The following TIAM1 variants were observed in gnomAD, a reference collection of about 807,000 sequenced individuals.
The protein encoded by TIAM1 is rho guanine nucleotide exchange factor TIAM1.
TIAM1 carries 65 observed loss-of-function variants against 163.5 expected under a neutral mutation model. The observed-to-expected ratio is 0.40, with a 90% CI of 0.33 to 0.49. The LOEUF (loss-of-function observed/expected upper bound fraction) is 0.49. Among genes scored for constraint, TIAM1 ranks in the 20% least tolerant of loss-of-function variants. TIAM1 has a pLI of 0.77. For synonymous variants in TIAM1, 833 were observed against 810.1 expected (o/e 1.03, Z -0.48); for missense variants, 1,789 against 2,044.7 (o/e 0.87, Z 2.41).
chr21:31,165,136 G>A (rs944019193), intron 15 of TIAM1, 71 bp from the exon 16 acceptor site: 12 of 1,399,296 alleles, frequency 8.6e-6, no homozygotes, highest in Non-Finnish European at 1.2e-5. Context: ...CCCTGTGTGA[G>A]GGGGACAAGG....
chr21:31,184,257 C>A (rs1451109304), intron 14 of TIAM1, among the ~76,000 whole-genome samples: 1 of 152,082 alleles, frequency 6.6e-6, no homozygotes, highest in Middle Eastern at 3.2e-3. Context: ...AGGTGCGCAC[C>A]ACCATGCCCA....
chr21:31,335,429 C>T (rs2075805684), intron 2 of TIAM1, among the ~76,000 whole-genome samples: 1 of 152,114 alleles, frequency 6.6e-6, no homozygotes, highest in Admixed American at 6.5e-5. Flanking sequence ...GAAATAAACT[C>T]AAGCCAGGTG....
intron 2 of TIAM1, among the ~76,000 whole-genome samples, chr21:31,353,136 C>A (rs1000109069): frequency 6.6e-6 from 1 of 152,182 alleles, no homozygotes; most frequent in Admixed American, 6.5e-5. Flanking sequence ...GCTGCTTCCA[C>A]CAACCCATCC....
intron 1 of TIAM1, among the ~76,000 whole-genome samples, chr21:31,535,149 A>G (rs1280446501): frequency 6.6e-6 from 1 of 151,476 alleles, no homozygotes; most frequent in Non-Finnish European, 1.5e-5. Context: ...TTGGGAGGCC[A>G]AGGCAGGCGA....
At chr21:31,191,089 A>C (rs896200467) in intron 13 of TIAM1, among the ~76,000 whole-genome samples, 13 of 152,198 alleles carry the variant, frequency 8.5e-5, no homozygotes, top group Non-Finnish European at 1.5e-4. Flanking sequence ...GGAACATCAA[A>C]TGCCAAAACC....
rs5030999 is a variant in TIAM1 at position 31,256,588 on chromosome 21, TACACACAC to T, written c.964-4407_964-4400del. 8.3e-4 allele frequency among the ~76,000 whole-genome samples: 106 copies of T among 128,242 alleles called. 1 individual carries two copies. Among genetic ancestry groups the T allele is most frequent in the African/African-American group, 2.6e-3 (88 of 34,000 alleles). The allele number at this position is 128,242 out of a possible 152,430, so 84.1% of individuals were successfully genotyped here. Reference sequence around the variant, plus strand: ...CCCCAAAATATTAAGTACCCCTCACTACACACACACACACACACACACACACACACACA... The same window carrying T: ...CCCCAAAATATTAAGTACCCCTCACTACACACACACACACACACACACACA... On this transcript the variant is annotated intron_variant, in intron 4 of 27. Transcript: ENST00000541036.
intron 2 of TIAM1, among the ~76,000 whole-genome samples, chr21:31,355,528 ATTATTTATTTAT>A (rs56133305): frequency 0.032 from 4,596 of 144,708 alleles, 245 homozygotes; most frequent in African/African-American, 0.11. Flanking sequence ...TCTCTCCTTT[ATTATTTATTTAT>A]TTATTTATTT....
intron 2 of TIAM1, among the ~76,000 whole-genome samples, chr21:31,287,427 T>A (rs528630522): frequency 6.6e-6 from 1 of 152,308 alleles, no homozygotes; most frequent in South Asian, 2.1e-4. Flanking sequence ...GGGAAGACAG[T>A]GGGCATCTAC....
intron 1 of TIAM1, among the ~76,000 whole-genome samples, chr21:31,507,051 G>A (rs1368298542): frequency 6.6e-6 from 1 of 152,078 alleles, no homozygotes; most frequent in African/African-American, 2.4e-5. Flanking sequence ...ATGCTGTTAT[G>A]TGCGTGGGTA....
rs931624228 is a variant in TIAM1 at position 31,395,280 on chromosome 21, T to C, written c.-368-55858A>G. Among the ~76,000 whole-genome samples, 3 of 151,112 alleles carry C rather than the reference T, an allele frequency of 2.0e-5. No individual in the cohort carries two copies. Among genetic ancestry groups the C allele is most frequent in the African/African-American group, 7.3e-5 (3 of 41,100 alleles). The stretch of plus-strand genomic sequence containing the variant: ...GGTGGGGGGAGAACAAAACTAGTAA[T>C]TGGAGCTCTCTGGAGATGTCACTAC... On this transcript the variant is annotated intron_variant, in intron 2 of 28. Coordinates refer to the TIAM1 transcript ENST00000286827. The surrounding 1 kb of genome is among the most constrained non-coding windows in gnomAD (Gnocchi z 7.5).
chr21:31,356,233 T>C (rs1468924252), intron 2 of TIAM1, among the ~76,000 whole-genome samples: 1 of 152,156 alleles, frequency 6.6e-6, no homozygotes, highest in Non-Finnish European at 1.5e-5. Context: ...ACACAAACAC[T>C]TGGAGTTTTC....
intron 2 of TIAM1, among the ~76,000 whole-genome samples, chr21:31,278,889 T>C (rs1416765981): frequency 2.0e-5 from 3 of 152,280 alleles, no homozygotes; most frequent in East Asian, 3.9e-4. Context: ...GCTTAGGAAC[T>C]GGCAGAAATT....
At chr21:31,146,531 C>T (rs1326724387) in intron 20 of TIAM1, among the ~76,000 whole-genome samples, 3 of 149,428 alleles carry the variant, frequency 2.0e-5, no homozygotes, top group South Asian at 2.1e-4. Context: ...GCCAACGTGG[C>T]GAAACTCCAT....
At chr21:31,409,633 G>A (rs191713552) in intron 2 of TIAM1, among the ~76,000 whole-genome samples, 9 of 152,162 alleles carry the variant, frequency 5.9e-5, no homozygotes, top group Admixed American at 1.3e-4. Context: ...TCAGACCTCC[G>A]CACCACAGGC....
chr21:31,266,382 T>C lies in TIAM1; in HGVS notation c.591A>G (p.Glu197=), dbSNP rs1320843874. The C allele has an allele frequency of 1.2e-6, 2 of 1,614,218 alleles. No homozygotes were observed. Among genetic ancestry groups the C allele is most frequent in the South Asian group, 1.1e-5 (1 of 91,088 alleles). Residue 197 remains glutamate (E), a synonymous_variant, in exon 4 of 28, where the codon GAA becomes GAG. Coordinates refer to ENST00000541036, the MANE Select transcript of TIAM1 (RefSeq NM_001353694.2). ...DLSQEHLTSN[E]EILGSAEEKD... is the part of the protein sequence containing the mutation. Reference sequence around the variant, plus strand: ...TCTCTTCGGCGGAACCCAAGATTTCTTCGTTGCTTGTTAAATGTTCTTGGC... The same window carrying C: ...TCTCTTCGGCGGAACCCAAGATTTCCTCGTTGCTTGTTAAATGTTCTTGGC...
rs147709475 is a variant in TIAM1, at chr21:31,389,461, G to A, written c.-368-50039C>T. Among the ~76,000 whole-genome samples the A allele has an allele frequency of 3.3e-3, 505 of 152,182 alleles. 2 individuals carry two copies. The highest frequency in any genetic ancestry group is 0.011 in the African/African-American group (468 of 41,546). The stretch of plus-strand genomic sequence containing the variant: ...TGACCCCAGGTGATCTGCCTGCCTC[G>A]GCCTCCCAAAGTGCTAGGATTACAG... On this transcript the variant is annotated intron_variant, in intron 2 of 28. Coordinates refer to the TIAM1 transcript ENST00000286827.
At chr21:31,180,732 C>T (rs2084975201) in intron 15 of TIAM1, among the ~76,000 whole-genome samples, 1 of 152,228 alleles carries the variant, frequency 6.6e-6, no homozygotes, top group Non-Finnish European at 1.5e-5. Flanking sequence ...ATCCTGCCAT[C>T]TTGTGGTCAC....
intron 6 of TIAM1, among the ~76,000 whole-genome samples, chr21:31,234,003 T>C (rs1177988896): frequency 6.6e-6 from 1 of 152,204 alleles, no homozygotes; most frequent in African/African-American, 2.4e-5. Flanking sequence ...GCTTACTGTC[T>C]GTCCATGCTA....
In TIAM1 at chr21:31,222,700, TATATA is replaced by T. The variant is rs1474932866; in HGVS notation, c.1995+701_1995+705del. Among the ~76,000 whole-genome samples, 276 of 44,430 alleles carry T rather than the reference TATATA, an allele frequency of 6.2e-3. 3 individuals are homozygous for T. The highest frequency in any genetic ancestry group is 0.01 in the South Asian group (10 of 990). 29.1% of individuals were successfully genotyped at this position (44,430 alleles called of 152,430 possible). On this transcript the variant is annotated intron_variant, in intron 8 of 27. Coordinates refer to ENST00000541036, the MANE Select transcript of TIAM1 (RefSeq NM_001353694.2). ...ACATATATATATATATATATATATA[TATATA>T]TATTTTTTTTTTTTTTTTTTTTTTT...
Sources: gnomAD v4.1 joint callset for allele counts (sites outside exome capture counted in the v4.1 genomes callset) on GRCh38, gnomAD v4.1.1 for gene constraint, Gnocchi (gnomAD v3.1) non-coding constraint, MANE v1.5 for transcripts, NCBI Gene and HGNC (gene_info 2026-07-23, HGNC 2026-07-21) for gene names.